Variants in WARS2 observed in about 807,000 individuals in gnomAD.
The protein encoded by WARS2 is tryptophanyl tRNA synthetase 2, mitochondrial.
WARS2 carries 28 observed loss-of-function variants against 36.5 expected under a neutral mutation model. That is an observed-to-expected ratio of 0.77 (90% CI 0.57 to 1.05). The LOEUF (loss-of-function observed/expected upper bound fraction) is 1.05, where lower values mean the gene tolerates loss of function less well. Ranked by LOEUF, WARS2 falls within the 50% of genes least tolerant of loss-of-function variation. The pLI, the probability that WARS2 is intolerant of heterozygous loss-of-function variation, is 0.00. For missense variants in WARS2, 435 were observed against 456.8 expected, an observed-to-expected ratio of 0.95 and a Z score of 0.44; for synonymous variants, 174 against 178.4, an observed-to-expected ratio of 0.98 and a Z score of 0.20.
chr1:119,054,195 A>G (rs972520507), intron 2 of WARS2, among the ~76,000 whole-genome samples: 14 of 151,828 alleles, frequency 9.2e-5, no homozygotes, highest in Non-Finnish European at 2.1e-4. Context: ...AACAGCAAAA[A>G]CAAAACTAAA....
chr1:119,102,211 G>GAC (rs1318836944), intron 1 of WARS2, among the ~76,000 whole-genome samples: 1 of 152,154 alleles, frequency 6.6e-6, no homozygotes, highest in Non-Finnish European at 1.5e-5. Context: ...TCATGAAATA[G>GAC]TAATTCCCTT....
intron 2 of WARS2, among the ~76,000 whole-genome samples, chr1:119,070,936 G>A (rs1000318838): frequency 1.5e-4 from 22 of 151,712 alleles, no homozygotes; most frequent in Admixed American, 2.6e-4. Context: ...TAATCCCAGC[G>A]CTTTGGGAGG....
At chr1:119,102,111 A>G (rs1242204167) in intron 1 of WARS2, among the ~76,000 whole-genome samples, 2 of 152,296 alleles carry the variant, frequency 1.3e-5, no homozygotes, top group East Asian at 3.9e-4. Flanking sequence ...AAATAAAAAT[A>G]CCAGATCCTC....
At chr1:119,071,050 G>A (rs1651267585) in intron 2 of WARS2, among the ~76,000 whole-genome samples, 1 of 152,136 alleles carries the variant, frequency 6.6e-6, no homozygotes, top group South Asian at 2.1e-4. Context: ...AAGCTTGGTG[G>A]CAGGCGCCTG....
intron 1 of WARS2, chr1:119,084,947 G>A (rs1002560564): frequency 1.5e-5 from 6 of 401,904 alleles, no homozygotes; most frequent in Admixed American, 1.2e-4. Context: ...GAATTTGACT[G>A]CATTTAAAAA....
intron 1 of WARS2, among the ~76,000 whole-genome samples, chr1:119,109,247 T>G (rs1255244300): frequency 6.6e-6 from 1 of 151,996 alleles, no homozygotes. Flanking sequence ...TATGGAGTGT[T>G]GAGTTCTATG....
chr1:119,097,738 T>C (rs1418495068), intron 1 of WARS2, among the ~76,000 whole-genome samples: 1 of 152,160 alleles, frequency 6.6e-6, no homozygotes, highest in Non-Finnish European at 1.5e-5. Flanking sequence ...CATGCTGTTA[T>C]CCCTAACACC....
chr1:119,066,153 TACA>T (rs1477788036), intron 2 of WARS2, among the ~76,000 whole-genome samples: 4 of 151,866 alleles, frequency 2.6e-5, no homozygotes, highest in African/African-American at 9.7e-5. Context: ...CAAAACTCTG[TACA>T]ACAACAGACA....
Position 119,122,441 on chromosome 1 carries a change from G to C in WARS2, c.90+18114C>G, listed in dbSNP as rs151160029. ...GAGAAGGAACAGTTTTACACTGCTGGTAGGAATGTAAACTAGTACAACCAC... is the reference window on the plus strand; with the variant it reads ...GAGAAGGAACAGTTTTACACTGCTGCTAGGAATGTAAACTAGTACAACCAC... On this transcript the variant is annotated intron_variant, in intron 1 of 5. Transcript: ENST00000235521. 2.9e-4 allele frequency among the ~76,000 whole-genome samples: 44 copies of C among 152,300 alleles called. 1 individual carries two copies. In the East Asian group the frequency reaches 8.3e-3, roughly 29 times the overall value.
chr1:119,119,501 A>T (rs1360452945), intron 1 of WARS2, among the ~76,000 whole-genome samples: 1 of 152,136 alleles, frequency 6.6e-6, no homozygotes, highest in African/African-American at 2.4e-5. Flanking sequence ...TAGACAGGTC[A>T]TCAAGACAGG....
rs768587458 is a variant in WARS2, at chr1:119,033,196, C to T, written c.798G>A (p.Pro266=). The change falls in exon 6 of 6, where the codon CCG becomes CCA. Residue 266 remains proline, a synonymous_variant. Transcript: ENST00000235521. ...TGTTGGACACGCCAGCGCGGCCAGC[C>T]GGGTCATAGGTGACCTCCGAGGTGA... ...TDFTSEVTYD[P]AGRAGVSNIV... 1.1e-5 allele frequency: 17 copies of T among 1,614,130 alleles called. No homozygotes were observed. In the Admixed American group the frequency reaches 1.2e-4, roughly 11 times the overall value.
intron 1 of WARS2, among the ~76,000 whole-genome samples, chr1:119,137,641 T>C (rs1019885758): frequency 3.3e-5 from 5 of 152,208 alleles, no homozygotes; most frequent in Non-Finnish European, 5.9e-5. Flanking sequence ...CCTAATACCA[T>C]CAACATTTAA....
chr1:119,131,073 T>A (rs983006159), intron 1 of WARS2, among the ~76,000 whole-genome samples: 3 of 152,212 alleles, frequency 2.0e-5, no homozygotes, highest in African/African-American at 7.2e-5. Context: ...ATATAAAGGA[T>A]GTATTTTTTT....
At chr1:119,061,550 T>C (rs1005785142) in intron 2 of WARS2, among the ~76,000 whole-genome samples, 2 of 152,078 alleles carry the variant, frequency 1.3e-5, no homozygotes, top group African/African-American at 4.8e-5. Context: ...TAAAGGAACA[T>C]AGTCTCATGA....
intron 1 of WARS2, among the ~76,000 whole-genome samples, chr1:119,091,102 G>A (rs1394352921): frequency 6.6e-6 from 1 of 152,192 alleles, no homozygotes; most frequent in Non-Finnish European, 1.5e-5. Context: ...AAACAATGTA[G>A]TGTAATCTAA....
intron 1 of WARS2, among the ~76,000 whole-genome samples, chr1:119,102,501 A>G (rs1653948878): frequency 1.3e-5 from 2 of 152,278 alleles, no homozygotes; most frequent in Middle Eastern, 3.4e-3. Flanking sequence ...TACTAATTCT[A>G]TCCTTTCTGT....
chr1:119,083,852 G>A (rs1156586286), intron 1 of WARS2, among the ~76,000 whole-genome samples: 1 of 152,102 alleles, frequency 6.6e-6, no homozygotes, highest in East Asian at 1.9e-4. Flanking sequence ...AACACTACTT[G>A]CTAAACCAAA....
chr1:119,083,907 C>G (rs1032720674), intron 1 of WARS2, among the ~76,000 whole-genome samples: 2 of 152,080 alleles, frequency 1.3e-5, no homozygotes, highest in Non-Finnish European at 2.9e-5. Context: ...ACTAACACAG[C>G]ATATTATTAT....
intron 1 of WARS2, among the ~76,000 whole-genome samples, chr1:119,131,795 TCTGGACTTTATGAGAAGCC>T (rs587709251): frequency 0.011 from 1,701 of 151,960 alleles, 15 homozygotes; most frequent in South Asian, 0.026. Flanking sequence ...CTGTGGGAAG[TCTGGACTTTATGAGAAGCC>T]CCCACAGGCT....
Sources: gnomAD v4.1 joint callset for allele counts (sites outside exome capture counted in the v4.1 genomes callset) on GRCh38, gnomAD v4.1.1 for gene constraint, MANE v1.5 for transcripts, NCBI Gene and HGNC (gene_info 2026-07-23, HGNC 2026-07-21) for gene names.